DCTN6: variants seen among roughly 807,000 people sequenced by gnomAD.
DCTN6 encodes the protein dynactin 6.
In DCTN6, 15 loss-of-function variants were observed where a neutral mutation model predicts 25.8. The ratio of observed to expected loss-of-function variants is 0.58; its 90% CI spans 0.39 to 0.89. DCTN6 has a LOEUF of 0.89. Ranked by LOEUF, DCTN6 falls within the 40% of genes least tolerant of loss-of-function variation. The probability of loss-of-function intolerance (pLI) is 0.00; values close to 1 mark genes in which losing one functional copy is unlikely to be tolerated. For synonymous variants in DCTN6, 64 were observed against 78.3 expected (o/e 0.82, Z 0.96); for missense variants, 198 against 237.6 (o/e 0.83, Z 1.09).
intron 1 of DCTN6, among the ~76,000 whole-genome samples, chr8:30,157,047 A>G (rs781363296): frequency 6.6e-6 from 1 of 152,188 alleles, no homozygotes; most frequent in Non-Finnish European, 1.5e-5. Flanking sequence ...CCACCCAAAT[A>G]GTGAACATTG....
At chr8:30,180,130 A>C (rs926088841) in intron 5 of DCTN6, among the ~76,000 whole-genome samples, 13 of 152,256 alleles carry the variant, frequency 8.5e-5, no homozygotes, top group Non-Finnish European at 1.8e-4. Flanking sequence ...TTTTCTATTT[A>C]TTTTATGCTT....
At chr8:30,178,290 C>T (rs1429498206) in intron 4 of DCTN6, among the ~76,000 whole-genome samples, 1 of 151,572 alleles carries the variant, frequency 6.6e-6, no homozygotes, top group Non-Finnish European at 1.5e-5. Flanking sequence ...GTGGAGAAAC[C>T]CCGTCTCTAC....
At chr8:30,178,763 A>G (rs1404659680) in intron 4 of DCTN6, among the ~76,000 whole-genome samples, 1 of 152,082 alleles carries the variant, frequency 6.6e-6, no homozygotes, top group Non-Finnish European at 1.5e-5. Flanking sequence ...GACTCAAGCA[A>G]TCCTTCCATC....
chr8:30,164,170 C>T lies in DCTN6; in HGVS notation c.83C>T (p.Thr28Ile). ...GAAAGTGAAATCAGAGGAGATGTAA[C>T]TATCGGTAAGAAATAGTTTATTTAC... ...CVESEIRGDV[T>I]IGPRTVIHPK... is the part of the protein sequence containing the mutation. Residue 28 changes from threonine (T) to isoleucine (I), a missense_variant, in exon 2 of 7, where the codon ACT becomes ATT. Coordinates refer to ENST00000221114, the MANE Select transcript of DCTN6 (RefSeq NM_006571.4). 6.2e-7 allele frequency: 1 copy of T among 1,610,326 alleles called. No individual in the cohort carries two copies. The highest frequency in any genetic ancestry group is 8.5e-7 in the Non-Finnish European group (1 of 1,176,538).
chr8:30,180,867 A>G, intron 6 of DCTN6: 1 of 539,620 alleles, frequency 1.9e-6, no homozygotes, highest in Non-Finnish European at 3.2e-6. Flanking sequence ...CTCTGTCTCT[A>G]CAAACACTAG....
At chr8:30,172,891 T>C (rs1167108463) in intron 2 of DCTN6, among the ~76,000 whole-genome samples, 1 of 152,238 alleles carries the variant, frequency 6.6e-6, no homozygotes, top group African/African-American at 2.4e-5. Context: ...TGAATATGTG[T>C]TATATATGCA....
Position 30,157,029 on chromosome 8 carries a change from T to C in DCTN6, c.23+623T>C, listed in dbSNP as rs1347734677. 2.0e-5 allele frequency among the ~76,000 whole-genome samples: 3 copies of C among 152,220 alleles called. No homozygotes were observed. The East Asian group carries it at 5.8e-4, about 29-fold the overall frequency. ...GCGTAATGGTGAAGTTGGCTTCTAG[T>C]GTACTTACCACCCAAATAGTGAACA... On this transcript the variant is annotated intron_variant, in intron 1 of 6. Transcript: ENST00000221114.
intron 2 of DCTN6, among the ~76,000 whole-genome samples, chr8:30,174,690 G>A (rs1389600478): frequency 1.3e-5 from 2 of 152,174 alleles, no homozygotes; most frequent in African/African-American, 4.8e-5. Context: ...TTACCTTGCT[G>A]AGGGAAAAGA....
intron 4 of DCTN6, among the ~76,000 whole-genome samples, chr8:30,177,802 G>T (rs1803861826): frequency 6.6e-6 from 1 of 152,146 alleles, no homozygotes; most frequent in African/African-American, 2.4e-5. Context: ...TTTAAAAATG[G>T]TCCCTTCTGT....
intron 4 of DCTN6, 159 bp downstream of exon 4, chr8:30,177,373 C>T (rs1331493518): frequency 3.5e-6 from 2 of 569,374 alleles, no homozygotes; most frequent in Non-Finnish European, 6.1e-6. Flanking sequence ...ATCAAACATA[C>T]TTACATTCAC....
intron 1 of DCTN6, among the ~76,000 whole-genome samples, chr8:30,163,904 G>A (rs1457187770): frequency 6.6e-6 from 1 of 152,054 alleles, no homozygotes; most frequent in Non-Finnish European, 1.5e-5. Flanking sequence ...GTTTCTTCAT[G>A]TTGGTAAGGC....
At chr8:30,175,933 G>C (rs1186548967) in intron 3 of DCTN6, among the ~76,000 whole-genome samples, 1 of 152,226 alleles carries the variant, frequency 6.6e-6, no homozygotes, top group Non-Finnish European at 1.5e-5. Context: ...GGCACCTTCA[G>C]TGTAAGTCAA....
Position 30,180,471 on chromosome 8 carries a change from C to G in DCTN6, c.332-17C>G, listed in dbSNP as rs759467089. The G allele has an allele frequency of 6.2e-7, 1 of 1,604,552 alleles. No homozygotes were observed. The highest frequency in any genetic ancestry group is 2.2e-5 in the East Asian group (1 of 44,704). ...TTGATGTCTTAAGTTGCAGTTCTTT[C>G]TGTGTTTTTATTGCAGCATATGTAG... is the stretch of plus-strand genomic sequence containing the variant. On this transcript the variant is annotated splice_polypyrimidine_tract_variant and intron_variant, in intron 5 of 6. Transcript: ENST00000221114.
At chr8:30,158,445 C>T (rs1463387422) in intron 1 of DCTN6, among the ~76,000 whole-genome samples, 3 of 152,136 alleles carry the variant, frequency 2.0e-5, no homozygotes, top group African/African-American at 7.2e-5. Context: ...CAGTGTCGCT[C>T]ATTTATCATG....
At chr8:30,175,048 C>A (rs762185714) in intron 2 of DCTN6, 37 bp from the exon 3 acceptor site, 1 of 1,577,622 alleles carries the variant, frequency 6.3e-7, no homozygotes, top group South Asian at 1.1e-5. Context: ...GAAGCATAGC[C>A]TCCACCAATA....
intron 6 of DCTN6, among the ~76,000 whole-genome samples, chr8:30,182,028 A>T (rs1483257732): frequency 6.6e-6 from 1 of 152,198 alleles, no homozygotes; most frequent in Non-Finnish European, 1.5e-5. Context: ...ATTACTCTAT[A>T]GACTAAAAAG....
Position 30,183,062 on chromosome 8 carries a change from C to T in DCTN6, c.475-13C>T. ...CTTTCTGCCAATCGGCCTTAATTAC[C>T]TTATCTTTTTAGCCCCAGACACTAC... On this transcript the variant is annotated splice_polypyrimidine_tract_variant and intron_variant, in intron 6 of 6. Transcript: ENST00000221114. The T allele has an allele frequency of 6.8e-6, 11 of 1,613,038 alleles. No homozygotes were observed. The highest frequency in any genetic ancestry group is 9.3e-6 in the Non-Finnish European group (11 of 1,179,196).
intron 2 of DCTN6, among the ~76,000 whole-genome samples, 193 bp downstream of exon 2, chr8:30,164,368 A>G (rs1206759609): frequency 1.3e-5 from 2 of 152,184 alleles, no homozygotes; most frequent in Non-Finnish European, 2.9e-5. Context: ...TTAAACTCCT[A>G]TCTGAAATAC....
intron 6 of DCTN6, among the ~76,000 whole-genome samples, chr8:30,182,792 A>C (rs1383310877): frequency 6.6e-6 from 1 of 151,766 alleles, no homozygotes; most frequent in African/African-American, 2.4e-5. Flanking sequence ...TCCTGGGCTC[A>C]AACAATCCAC....
Sources: allele counts gnomAD v4.1 joint callset (sites outside exome capture counted in the v4.1 genomes callset), GRCh38; gene constraint gnomAD v4.1.1; transcripts MANE v1.5; gene names NCBI Gene and HGNC (gene_info 2026-07-23, HGNC 2026-07-21).